The following MARCHF5 variants were observed in gnomAD, a reference collection of about 807,000 sequenced individuals.
The protein encoded by MARCHF5 is E3 ubiquitin-protein ligase MARCHF5.
In MARCHF5, 5 loss-of-function variants were observed where a neutral mutation model predicts 36.5. The ratio of observed to expected loss-of-function variants is 0.14; its 90% CI spans 0.07 to 0.29. MARCHF5 has a LOEUF of 0.29. MARCHF5 is among the 10% of genes least tolerant of loss of function. The pLI, the probability that MARCHF5 is intolerant of heterozygous loss-of-function variation, is 1.00. For missense variants in MARCHF5, 179 were observed against 336.3 expected (o/e 0.53, Z 3.66); for synonymous variants, 103 against 109.9 (o/e 0.94, Z 0.39).
At position 92,300,891 on chromosome 10, in the gene MARCHF5, C is replaced by CTTTT. The variant is rs370507190; in HGVS notation, c.35+9377_35+9380dup. On this transcript the variant is annotated intron_variant, in intron 1 of 5. Coordinates refer to ENST00000358935, the MANE Select transcript of MARCHF5 (RefSeq NM_017824.5). ...AGTTCATCTTCAGTGCCTCCTAATT[C>CTTTT]TTTTTTTTTTTTTTTTTTGAGGCAG... is the stretch of plus-strand genomic sequence containing the variant. 3.5e-4 allele frequency among the ~76,000 whole-genome samples: 45 copies of CTTTT among 127,720 alleles called. 1 individual carries two copies. The highest frequency in any genetic ancestry group is 5.6e-4 in the African/African-American group (19 of 33,996). 83.8% of individuals were successfully genotyped at this position (127,720 alleles called of 152,430 possible).
chr10:92,339,044 C>T (rs35339022), intron 2 of MARCHF5, among the ~76,000 whole-genome samples: 2,727 of 146,774 alleles, frequency 0.019, 69 homozygotes, highest in African/African-American at 0.058. Flanking sequence ...AACTCTGTCT[C>T]AAAAAAAAAA....
chr10:92,317,697 G>A (rs1470483857), intron 2 of MARCHF5, among the ~76,000 whole-genome samples: 1 of 150,476 alleles, frequency 6.6e-6, no homozygotes, highest in African/African-American at 2.4e-5. Flanking sequence ...TCTAATATAA[G>A]ATCATGTCAT....
intron 3 of MARCHF5, among the ~76,000 whole-genome samples, chr10:92,341,742 TTGTTTC>T (rs1355274456): frequency 6.6e-6 from 1 of 151,922 alleles, no homozygotes; most frequent in African/African-American, 2.4e-5. Flanking sequence ...CATCGTTCCT[TTGTTTC>T]TGTTTCTATT....
chr10:92,303,092 TCTTG>T (rs1166342397), intron 1 of MARCHF5, among the ~76,000 whole-genome samples: 1 of 152,210 alleles, frequency 6.6e-6, no homozygotes, highest in Non-Finnish European at 1.5e-5. Context: ...ACTGTACCTA[TCTTG>T]CTTAATTTAG....
intron 2 of MARCHF5, among the ~76,000 whole-genome samples, chr10:92,337,074 A>G (rs755222460): frequency 1.3e-5 from 2 of 151,278 alleles, no homozygotes; most frequent in Admixed American, 1.3e-4. Context: ...GTGAGCCAAG[A>G]TGACGCCATT....
intron 2 of MARCHF5, among the ~76,000 whole-genome samples, chr10:92,329,189 C>T (rs1048705800): frequency 6.6e-5 from 10 of 152,052 alleles, no homozygotes; most frequent in Non-Finnish European, 1.5e-4. Flanking sequence ...TGCCAAATTT[C>T]CTGCCACAGG....
chr10:92,324,848 G>C (rs755940706), intron 2 of MARCHF5, among the ~76,000 whole-genome samples: 9 of 151,876 alleles, frequency 5.9e-5, no homozygotes, highest in Non-Finnish European at 1.0e-4. Context: ...TGATCAGAGA[G>C]CATACTCTGT....
intron 2 of MARCHF5, among the ~76,000 whole-genome samples, chr10:92,319,804 G>A (rs1843267489): frequency 6.6e-6 from 1 of 150,518 alleles, no homozygotes; most frequent in South Asian, 2.1e-4. Flanking sequence ...ACAGGCACCT[G>A]CCACCGTGCC....
intron 2 of MARCHF5, among the ~76,000 whole-genome samples, chr10:92,325,432 T>C (rs1215552761): frequency 1.3e-5 from 2 of 152,238 alleles, no homozygotes; most frequent in African/African-American, 4.8e-5. Flanking sequence ...TTGCTTAATT[T>C]ATTTTGGCGC....
At position 92,352,757 on chromosome 10, in the gene MARCHF5, G is replaced by A. The variant is rs1218333804; in HGVS notation, c.*1550G>A. ...TTATATGATGTTTATTTGAATGACT[G>A]TTGAACATTCAAATTTGTATTATTT... On this transcript the variant is annotated 3_prime_UTR_variant, in exon 6 of 6. Coordinates refer to ENST00000358935, the MANE Select transcript of MARCHF5 (RefSeq NM_017824.5). The A allele has an allele frequency of 2.6e-5, 4 of 152,550 alleles. No homozygotes were observed. The highest frequency in any genetic ancestry group is 4.4e-5 in the Non-Finnish European group (3 of 68,026). The allele number at this position is 152,550 out of a possible 1,614,324, so 9.4% of individuals were successfully genotyped here.
chr10:92,316,725 G>A (rs1421658710), intron 2 of MARCHF5, among the ~76,000 whole-genome samples: 1 of 135,344 alleles, frequency 7.4e-6, no homozygotes, highest in Non-Finnish European at 1.8e-5. Flanking sequence ...ACCACACCCA[G>A]CTAATTTTTT....
At chr10:92,326,634 G>A (rs1843363691) in intron 2 of MARCHF5, among the ~76,000 whole-genome samples, 1 of 152,150 alleles carries the variant, frequency 6.6e-6, no homozygotes, top group Non-Finnish European at 1.5e-5. Context: ...AAAGACAAGT[G>A]TATTGCCAAA....
intron 2 of MARCHF5, among the ~76,000 whole-genome samples, chr10:92,326,783 GT>G (rs575161225): frequency 0.11 from 16,314 of 141,920 alleles, 2,805 homozygotes; most frequent in African/African-American, 0.38. Context: ...CTCATAAGCA[GT>G]TTTTTTTTTT....
At chr10:92,331,887 ATGTATATATAATCATATATATG>A (rs1255319987) in intron 2 of MARCHF5, among the ~76,000 whole-genome samples, 90 of 36,288 alleles carry the variant, frequency 2.5e-3, no homozygotes, top group African/African-American at 6.6e-3. Flanking sequence ...AATCATATAT[ATGTATATATAATCATATATATG>A]TATATATAAT....
At chr10:92,297,280 C>T (rs1842958155) in intron 1 of MARCHF5, among the ~76,000 whole-genome samples, 1 of 151,612 alleles carries the variant, frequency 6.6e-6, no homozygotes, top group Admixed American at 6.6e-5. Context: ...GATCCTCCCA[C>T]CTCAGCTTCC....
chr10:92,309,295 T>C (rs1843118195), intron 1 of MARCHF5, among the ~76,000 whole-genome samples: 1 of 152,186 alleles, frequency 6.6e-6, no homozygotes, highest in East Asian at 1.9e-4. Context: ...GCTACACAAG[T>C]ATTCTCATTA....
At chr10:92,311,835 C>T (rs1245384741) in intron 2 of MARCHF5, among the ~76,000 whole-genome samples, 3 of 152,078 alleles carry the variant, frequency 2.0e-5, no homozygotes, top group Non-Finnish European at 4.4e-5. Context: ...CCCTGCTATC[C>T]CTTTTCTGTG....
intron 1 of MARCHF5, 118 bp downstream of exon 1, chr10:92,291,647 A>T: frequency 1.4e-6 from 2 of 1,396,454 alleles, no homozygotes; most frequent in Non-Finnish European, 1.9e-6. Context: ...TTCCACGGCC[A>T]GGGGGCCGTG....
intron 1 of MARCHF5, among the ~76,000 whole-genome samples, chr10:92,297,920 G>A (rs1233476929): frequency 6.6e-6 from 1 of 152,068 alleles, no homozygotes; most frequent in Admixed American, 6.6e-5. Flanking sequence ...CTGAAGGGCT[G>A]GGTGCAGTGG....
Sources: gnomAD v4.1 joint callset for allele counts (sites outside exome capture counted in the v4.1 genomes callset) on GRCh38, gnomAD v4.1.1 for gene constraint, MANE v1.5 for transcripts, NCBI Gene and HGNC (gene_info 2026-07-23, HGNC 2026-07-21) for gene names.